The following CBLC variants were observed in gnomAD, a reference collection of about 807,000 sequenced individuals.
The protein encoded by CBLC is Cbl proto-oncogene C.
Under a neutral mutation model 58.6 loss-of-function variants are expected in CBLC, and 46 were observed. The ratio of observed to expected loss-of-function variants is 0.79; its 90% CI spans 0.62 to 1.00. The LOEUF (loss-of-function observed/expected upper bound fraction) is 1.00. Among genes scored for constraint, CBLC ranks in the 50% least tolerant of loss-of-function variants. CBLC has a pLI of 0.00. For synonymous variants in CBLC, 271 were observed against 264.2 expected (o/e 1.03, Z -0.25); for missense variants, 655 against 625.8 (o/e 1.05, Z -0.50).
chr19:44,793,566 T>C lies in CBLC; in HGVS notation c.1230T>C (p.Ala410=). The C allele has an allele frequency of 6.2e-7, 1 of 1,610,610 alleles. No individual in the cohort carries two copies. The highest frequency in any genetic ancestry group is 8.5e-7 in the Non-Finnish European group (1 of 1,179,192). ...ACCAGTTCCACGGTCAGGCTACTGC[T>C]GAGGACTCAGGGAACAGCAGTGACC... ...SIYQFHGQAT[A]EDSGNSSDQE... The change falls in exon 8 of 11, where the codon GCT becomes GCC. Residue 410 remains alanine (A), a synonymous_variant. Transcript: ENST00000647358.
At chr19:44,778,957 C>T (rs62117210) in intron 1 of CBLC, among the ~76,000 whole-genome samples, 1,803 of 152,242 alleles carry the variant, frequency 0.012, 22 homozygotes, top group Middle Eastern at 0.02. Context: ...GGAAAATGGG[C>T]CACCCAGTTT....
intron 9 of CBLC, among the ~76,000 whole-genome samples, chr19:44,797,922 G>GC (rs112659572): frequency 0.25 from 37,886 of 151,874 alleles, 5,785 homozygotes; most frequent in African/African-American, 0.43. Context: ...TAAATTTTTT[G>GC]AGCAGTGAGG....
At chr19:44,785,324 T>TA (rs1026922800) in intron 5 of CBLC, among the ~76,000 whole-genome samples, 1 of 151,954 alleles carries the variant, frequency 6.6e-6, no homozygotes, top group Non-Finnish European at 1.5e-5. Flanking sequence ...CAGGCTGGTC[T>TA]CAAACTCCTG....
At chr19:44,798,046 G>C (rs1968215172) in intron 9 of CBLC, among the ~76,000 whole-genome samples, 2 of 152,100 alleles carry the variant, frequency 1.3e-5, no homozygotes, top group South Asian at 4.1e-4. Flanking sequence ...GCACGCTGCT[G>C]TTCTCCATCT....
chr19:44,788,341 G>A (rs1454868490), intron 5 of CBLC, among the ~76,000 whole-genome samples: 2 of 151,422 alleles, frequency 1.3e-5, no homozygotes, highest in South Asian at 4.2e-4. Flanking sequence ...GCCCAGGCTG[G>A]TCTCGAACCC....
At chr19:44,779,281 T>C (rs1967660096) in intron 1 of CBLC, among the ~76,000 whole-genome samples, 1 of 152,116 alleles carries the variant, frequency 6.6e-6, no homozygotes, top group South Asian at 2.1e-4. Context: ...CATGGGCTCC[T>C]AGGTGGAGGA....
chr19:44,784,332 G>A lies in CBLC; in HGVS notation c.848G>A (p.Ser283Asn), dbSNP rs1231229315. ...ATCGGCTATGTGAGCTCAGATGGCA[G>A]CATCCTGCAGACCATCCCTGCCAAC... ...WAIGYVSSDGSILQTIPANKP... is the reference protein window; with the variant it reads ...WAIGYVSSDGNILQTIPANKP... Residue 283 changes from serine (S) to asparagine (N), a missense_variant, in exon 5 of 11, where the codon AGC becomes AAC. Physicochemically the swap from Ser to Asn is conservative, Grantham distance 46 (BLOSUM62 1). Around this residue, in one of 3 missense-constraint regions of CBLC, gnomAD observed 371 missense variants for 370.8 expected, o/e 1.00. Coordinates refer to ENST00000647358, the MANE Select transcript of CBLC (RefSeq NM_012116.4). 6.2e-7 allele frequency: 1 copy of A among 1,602,864 alleles called. No individual in the cohort carries two copies. Among genetic ancestry groups the A allele is most frequent in the Non-Finnish European group, 8.5e-7 (1 of 1,171,018 alleles).
intron 1 of CBLC, among the ~76,000 whole-genome samples, chr19:44,780,469 A>ATTTTTT (rs1196086433): frequency 1.8e-5 from 2 of 112,426 alleles, no homozygotes; most frequent in African/African-American, 3.4e-5. Context: ...ATCGTTTTTA[A>ATTTTTT]TTTTTTTTTT....
chr19:44,785,991 T>C (rs1034730040), intron 5 of CBLC, among the ~76,000 whole-genome samples: 5 of 151,892 alleles, frequency 3.3e-5, no homozygotes, highest in African/African-American at 1.2e-4. Context: ...GGGTGGGGTG[T>C]GGCTCACCAT....
intron 4 of CBLC, 132 bp downstream of exon 4, chr19:44,782,623 A>G: frequency 1.4e-6 from 1 of 701,584 alleles, no homozygotes; most frequent in Non-Finnish European, 2.4e-6. Flanking sequence ...GAGAGTTGAT[A>G]ACTCAGAGGC....
rs931299718 is a variant in CBLC at position 44,778,064 on chromosome 19, C to T, written c.133C>T (p.Arg45Trp). The change falls in exon 1 of 11, where the codon CGG becomes TGG. Residue 45 changes from arginine to tryptophan, a missense_variant. By Grantham distance (101) the Arg-to-Trp change is moderately radical (BLOSUM62 -3). Coordinates refer to ENST00000647358, the MANE Select transcript of CBLC (RefSeq NM_012116.4). ...GCTGTCCGTGAGTCCCCCTTCGCTG[C>T]GGGACCTGCTGCCCCGCACAGCGCA... Reference protein sequence around the residue: ...PRLSVSPPSLRDLLPRTAQLL... With the variant: ...PRLSVSPPSLWDLLPRTAQLL... The T allele has an allele frequency of 5.6e-6, 9 of 1,608,640 alleles. No individual in the cohort carries two copies. Among genetic ancestry groups the T allele is most frequent in the South Asian group, 1.1e-5 (1 of 91,070 alleles).
At chr19:44,780,241 TCTC>T (rs1211930608) in intron 1 of CBLC, among the ~76,000 whole-genome samples, 2 of 150,848 alleles carry the variant, frequency 1.3e-5, no homozygotes, top group Admixed American at 6.6e-5. Flanking sequence ...TTCAAGCAAT[TCTC>T]CTGCCTCAGC....
chr19:44,782,307 A>T (rs1967770392), intron 3 of CBLC, 63 bp from the exon 4 acceptor site: 3 of 1,601,904 alleles, frequency 1.9e-6, no homozygotes, highest in Non-Finnish European at 8.5e-7. Context: ...AGCCCTAGGG[A>T]CTACTTAGGG....
In CBLC at chr19:44,793,574, CAG is replaced by C. The variant is rs768506085; in HGVS notation, c.1239_1240del (p.Gly414GlufsTer4). ...CACGGTCAGGCTACTGCTGAGGACT[CAG>C]GGAACAGCAGTGACCAGGAAGGCAG... On this transcript the variant is annotated frameshift_variant, in exon 8 of 11. Coordinates refer to ENST00000647358, the MANE Select transcript of CBLC (RefSeq NM_012116.4). LOFTEE classifies it high-confidence loss of function. The C allele has an allele frequency of 2.5e-6, 4 of 1,607,970 alleles. No individual in the cohort carries two copies. The highest frequency in any genetic ancestry group is 1.1e-5 in the South Asian group (1 of 89,718).
upstream of CBLC, chr19:44,777,874 G>A: frequency 1.4e-6 from 2 of 1,422,126 alleles, no homozygotes; most frequent in Non-Finnish European, 1.8e-6. Flanking sequence ...CTTTCACTCT[G>A]GGCGAGGCCG....
At chr19:44,798,702 C>T (rs909209362) in intron 9 of CBLC, among the ~76,000 whole-genome samples, 2 of 152,050 alleles carry the variant, frequency 1.3e-5, no homozygotes, top group Non-Finnish European at 2.9e-5. Context: ...TGCCACTGCA[C>T]TCTAGCCTGG....
Position 44,781,375 on chromosome 19 carries a change from C to G in CBLC, c.657+12C>G, listed in dbSNP as rs1348297767. ...CCAGGCTCTTTCAGGTCAGGGAAGG[C>G]CAAGGCTGGGAGCTAGACTTGGGTC... is the stretch of plus-strand genomic sequence containing the variant. On this transcript the variant is annotated intron_variant, in intron 3 of 10. Transcript: ENST00000647358. 1 of 1,604,500 alleles carries G rather than the reference C, an allele frequency of 6.2e-7. No homozygotes were observed. The highest frequency in any genetic ancestry group is 2.2e-5 in the East Asian group (1 of 44,892).
intron 5 of CBLC, among the ~76,000 whole-genome samples, chr19:44,786,055 C>T (rs1967897395): frequency 6.6e-6 from 1 of 152,052 alleles, no homozygotes; most frequent in Non-Finnish European, 1.5e-5. Context: ...CCGCCTCACC[C>T]TCCCACAGTG....
chr19:44,786,417 C>G (rs188500800), intron 5 of CBLC, among the ~76,000 whole-genome samples: 1 of 151,524 alleles, frequency 6.6e-6, no homozygotes, highest in African/African-American at 2.4e-5. Context: ...CTGTGAAACC[C>G]CGTCTCTACT....
Sources: gnomAD v4.1 joint callset for allele counts (sites outside exome capture counted in the v4.1 genomes callset) on GRCh38, gnomAD v4.1.1 for gene constraint, gnomAD v4.1.1 regional missense constraint, MANE v1.5 for transcripts, NCBI Gene and HGNC (gene_info 2026-07-23, HGNC 2026-07-21) for gene names.